LHFPL2: variants seen among roughly 807,000 people sequenced by gnomAD.
The protein encoded by LHFPL2 is LHFPL tetraspan subfamily member 2, also known as LHFPL tetraspan subfamily member 2 protein.
LHFPL2 carries 7 observed loss-of-function variants against 17.5 expected under a neutral mutation model. That is an observed-to-expected ratio of 0.40 (90% CI 0.23 to 0.75). The LOEUF (loss-of-function observed/expected upper bound fraction) is 0.75, where lower values mean the gene tolerates loss of function less well. LHFPL2 is among the 30% of genes least tolerant of loss of function. The pLI is 0.37. For missense variants in LHFPL2, 241 were observed against 294.8 expected, an observed-to-expected ratio of 0.82 and a Z score of 1.34; for synonymous variants, 134 against 116.2, an observed-to-expected ratio of 1.15 and a Z score of -0.99.
chr5:78,641,553 A>C (rs1745661157), intron 1 of LHFPL2, among the ~76,000 whole-genome samples: 1 of 152,200 alleles, frequency 6.6e-6, no homozygotes, highest in African/African-American at 2.4e-5. Context: ...TTCACCCCCA[A>C]GTAAATACCT....
At chr5:78,518,701 C>T (rs1048631134) in intron 3 of LHFPL2, among the ~76,000 whole-genome samples, 3 of 152,278 alleles carry the variant, frequency 2.0e-5, no homozygotes, top group African/African-American at 7.2e-5. Flanking sequence ...GAGTGTTCCT[C>T]GCTGCAGCCT....
intron 2 of LHFPL2, among the ~76,000 whole-genome samples, chr5:78,582,908 T>C (rs1410575312): frequency 6.6e-6 from 1 of 152,212 alleles, no homozygotes; most frequent in Non-Finnish European, 1.5e-5. Flanking sequence ...CCATTATTAA[T>C]GTGTGGGAGT....
chr5:78,639,636 A>T lies in LHFPL2; in HGVS notation c.-349-7268T>A, dbSNP rs866635564. On this transcript the variant is annotated intron_variant, in intron 1 of 4. Coordinates refer to ENST00000380345, the MANE Select transcript of LHFPL2 (RefSeq NM_005779.3). ...TAAGAACGGACAGTTGGCCATTTTAAAAAAAAAACAAATGTGATTTTAGAT... is the reference window on the plus strand; with the variant it reads ...TAAGAACGGACAGTTGGCCATTTTATAAAAAAAACAAATGTGATTTTAGAT... Among the ~76,000 whole-genome samples the T allele has an allele frequency of 2.2e-3, 92 of 41,598 alleles. No individual in the cohort carries two copies. The Middle Eastern group carries it at 0.038, about 17-fold the overall frequency. 27.3% of individuals were successfully genotyped at this position (41,598 alleles called of 152,430 possible).
intron 3 of LHFPL2, among the ~76,000 whole-genome samples, chr5:78,560,853 G>C (rs1004875729): frequency 6.6e-6 from 1 of 152,034 alleles, no homozygotes; most frequent in African/African-American, 2.4e-5. Flanking sequence ...TATTTTACTT[G>C]ATAAATTAGA....
chr5:78,489,268 T>C, intron 4 of LHFPL2, 115 bp from the exon 5 acceptor site: 2 of 1,157,640 alleles, frequency 1.7e-6, no homozygotes, highest in East Asian at 2.4e-5. Flanking sequence ...TATTCTGCAA[T>C]AGAAAGTGTT....
chr5:78,501,416 G>T (rs1003830177), intron 4 of LHFPL2, among the ~76,000 whole-genome samples: 1 of 152,204 alleles, frequency 6.6e-6, no homozygotes, highest in Non-Finnish European at 1.5e-5. Context: ...ACTTCTGGCT[G>T]AGGGCCCTTC....
intron 2 of LHFPL2, among the ~76,000 whole-genome samples, chr5:78,612,974 C>T (rs561939830): frequency 1.3e-5 from 2 of 152,332 alleles, no homozygotes; most frequent in African/African-American, 4.8e-5. Flanking sequence ...ACGTGCATAG[C>T]TGGTGATCTT....
intron 3 of LHFPL2, among the ~76,000 whole-genome samples, chr5:78,521,617 A>C (rs894281981): frequency 7.2e-5 from 11 of 152,264 alleles, no homozygotes; most frequent in South Asian, 2.1e-4. Context: ...GATAATCACC[A>C]ATAGCAAAGG....
chr5:78,561,360 AG>A (rs1287365372), intron 3 of LHFPL2, among the ~76,000 whole-genome samples: 4 of 152,186 alleles, frequency 2.6e-5, no homozygotes, highest in Admixed American at 6.5e-5. Context: ...GCTAACGGGG[AG>A]ACTACCGTAT....
chr5:78,546,965 A>C (rs1756295611), intron 3 of LHFPL2, among the ~76,000 whole-genome samples: 1 of 152,134 alleles, frequency 6.6e-6, no homozygotes, highest in Non-Finnish European at 1.5e-5. Context: ...GAATCTGACA[A>C]ACAACCCCAG....
At chr5:78,638,482 C>T (rs933493218) in intron 1 of LHFPL2, among the ~76,000 whole-genome samples, 18 of 152,346 alleles carry the variant, frequency 1.2e-4, no homozygotes, top group Middle Eastern at 3.4e-3. Flanking sequence ...CTATAGACCT[C>T]GTGATCGTAA....
chr5:78,637,927 C>T (rs1000590312), intron 1 of LHFPL2, among the ~76,000 whole-genome samples: 1 of 152,220 alleles, frequency 6.6e-6, no homozygotes, highest in African/African-American at 2.4e-5. Flanking sequence ...CGGGCACCAG[C>T]CTCTCAGAGG....
intron 4 of LHFPL2, among the ~76,000 whole-genome samples, chr5:78,497,105 G>A (rs941422696): frequency 1.3e-5 from 2 of 152,166 alleles, no homozygotes; most frequent in Admixed American, 6.5e-5. Flanking sequence ...CTCAACAAAT[G>A]GGAGTTCAAT....
rs1451803151 is a variant in LHFPL2, at chr5:78,487,910, G to A, written c.*987C>T. On this transcript the variant is annotated 3_prime_UTR_variant, in exon 5 of 5. Transcript: ENST00000380345. The stretch of plus-strand genomic sequence containing the variant: ...TAGAATGCCATTCTGCTACTGTCGG[G>A]ATTGGAAATAGAGCTGACTACAGCA... 3 of 152,142 alleles carry A rather than the reference G, an allele frequency of 2.0e-5. No homozygotes were observed. The highest frequency in any genetic ancestry group is 4.4e-5 in the Non-Finnish European group (3 of 68,034). The allele number at this position is 152,142 out of a possible 1,614,324, so 9.4% of individuals were successfully genotyped here. A position where few individuals can be genotyped will look rare whatever the true frequency, so the allele number is the denominator to read the frequency against.
At chr5:78,593,726 C>T (rs186574347) in intron 2 of LHFPL2, among the ~76,000 whole-genome samples, 34 of 152,190 alleles carry the variant, frequency 2.2e-4, no homozygotes, top group Admixed American at 1.5e-3. Flanking sequence ...ACTGGAAGGA[C>T]CAAGTGTGTG....
intron 4 of LHFPL2, among the ~76,000 whole-genome samples, chr5:78,502,438 A>G (rs1674077958): frequency 6.6e-6 from 1 of 152,236 alleles, no homozygotes; most frequent in Admixed American, 6.5e-5. Flanking sequence ...TCAACAGACT[A>G]ACCTAGCCAG....
chr5:78,599,631 A>G (rs1021170306), intron 2 of LHFPL2, among the ~76,000 whole-genome samples: 1 of 151,988 alleles, frequency 6.6e-6, no homozygotes, highest in Non-Finnish European at 1.5e-5. Context: ...GTAGAGCATT[A>G]TTAATGGAGA....
intron 2 of LHFPL2, among the ~76,000 whole-genome samples, chr5:78,567,755 C>G (rs1756896228): frequency 6.6e-6 from 1 of 152,124 alleles, no homozygotes; most frequent in Non-Finnish European, 1.5e-5. Flanking sequence ...AATCCGTATA[C>G]ATGATCACAT....
intron 4 of LHFPL2, among the ~76,000 whole-genome samples, chr5:78,492,570 G>C (rs1170089460): frequency 6.6e-6 from 1 of 152,202 alleles, no homozygotes; most frequent in African/African-American, 2.4e-5. Flanking sequence ...ATTGCCCTGA[G>C]GCGCTCCCTT....
Sources: gnomAD v4.1 joint callset for allele counts (sites outside exome capture counted in the v4.1 genomes callset) on GRCh38, gnomAD v4.1.1 for gene constraint, MANE v1.5 for transcripts, NCBI Gene and HGNC (gene_info 2026-07-23, HGNC 2026-07-21) for gene names.